Variants in TBC1D22A observed in about 807,000 individuals in gnomAD.
TBC1D22A encodes the protein TBC1 domain family member 22A.
A neutral mutation model predicts 60.2 loss-of-function variants in TBC1D22A; 38 were observed. That is an observed-to-expected ratio of 0.63 (90% confidence interval 0.49 to 0.83). The LOEUF is 0.83. TBC1D22A is among the 40% of genes least tolerant of loss of function. TBC1D22A has a pLI of 0.00. For synonymous variants in TBC1D22A, 302 were observed against 281.7 expected (o/e 1.07, Z -0.72); for missense variants, 628 against 701.0 (o/e 0.90, Z 1.18).
At chr22:46,812,676 T>C (rs919952667) in intron 4 of TBC1D22A, among the ~76,000 whole-genome samples, 2 of 152,194 alleles carry the variant, frequency 1.3e-5, no homozygotes, top group African/African-American at 4.8e-5. Flanking sequence ...TCACTGTGTT[T>C]AGCGAAAATG....
At chr22:47,104,676 C>T (rs1431488453) in intron 11 of TBC1D22A, among the ~76,000 whole-genome samples, 2 of 131,230 alleles carry the variant, frequency 1.5e-5, no homozygotes, top group Non-Finnish European at 3.1e-5. Context: ...GCCTGGGCGA[C>T]AGAGAAAGAC....
chr22:46,909,295 T>TACATAC (rs1555942207), intron 7 of TBC1D22A, among the ~76,000 whole-genome samples: 3 of 150,610 alleles, frequency 2.0e-5, no homozygotes, highest in African/African-American at 7.3e-5. Context: ...CCTATACACA[T>TACATAC]ACACACACAC....
rs534218611 is a variant in TBC1D22A, at chr22:46,846,546, G to A, written c.638-32107G>A. On this transcript the variant is annotated intron_variant, in intron 4 of 12. Transcript: ENST00000337137. ...GAATATCATCAATCATTGTCATCAG[G>A]CCTGGGCCACCTTTACCATCTCTCA... Among the ~76,000 whole-genome samples the A allele has an allele frequency of 4.2e-4, 64 of 152,282 alleles. No homozygotes were observed. In the South Asian group the frequency reaches 0.013, roughly 32 times the overall value.
intron 11 of TBC1D22A, among the ~76,000 whole-genome samples, chr22:47,099,424 C>T (rs2065320043): frequency 6.6e-6 from 1 of 151,918 alleles, no homozygotes; most frequent in African/African-American, 2.4e-5. Context: ...AGCCTCGTCC[C>T]TGCTTTCTTT....
At chr22:46,966,725 G>T (rs964467729) in intron 8 of TBC1D22A, among the ~76,000 whole-genome samples, 1 of 152,172 alleles carries the variant, frequency 6.6e-6, no homozygotes, top group Non-Finnish European at 1.5e-5. Flanking sequence ...CCCAAGTGTT[G>T]CCTGCAGACT....
intron 9 of TBC1D22A, among the ~76,000 whole-genome samples, chr22:46,985,855 A>G (rs1381111844): frequency 6.6e-6 from 1 of 152,202 alleles, no homozygotes; most frequent in Non-Finnish European, 1.5e-5. Flanking sequence ...CAAGACAGAT[A>G]TTTTGAGAAT....
Position 47,060,310 on chromosome 22 carries a change from C to T in TBC1D22A, c.1329+23112C>T, listed in dbSNP as rs191550832. Reference sequence around the variant, plus strand: ...AGGCTGGAGTGCAATGGCATGATCTCGGCTCACTGCAACCTCTGCCTCCTG... The same window carrying T: ...AGGCTGGAGTGCAATGGCATGATCTTGGCTCACTGCAACCTCTGCCTCCTG... On this transcript the variant is annotated intron_variant, in intron 11 of 12. Coordinates refer to ENST00000337137, the MANE Select transcript of TBC1D22A (RefSeq NM_014346.5). Among the ~76,000 whole-genome samples, 21 of 148,036 alleles carry T rather than the reference C, an allele frequency of 1.4e-4. No individual in the cohort carries two copies. In the East Asian group the frequency reaches 2.8e-3, roughly 20 times the overall value.
intron 11 of TBC1D22A, among the ~76,000 whole-genome samples, chr22:47,071,706 G>T (rs1317918978): frequency 6.6e-6 from 1 of 152,220 alleles, no homozygotes; most frequent in East Asian, 1.9e-4. Context: ...ATGCTTTATG[G>T]CTGTGGTTTG....
intron 4 of TBC1D22A, among the ~76,000 whole-genome samples, chr22:46,853,606 C>A (rs1207039772): frequency 6.6e-6 from 1 of 152,228 alleles, no homozygotes; most frequent in African/African-American, 2.4e-5. Context: ...CCCTTAAAAT[C>A]TGGTTTTTAC....
rs1602353254 is a variant in TBC1D22A, at chr22:46,894,811, C to T, written c.865C>T (p.Pro289Ser). Residue 289 changes from proline to serine, a missense_variant, in exon 7 of 13, where the codon CCT becomes TCT. Coordinates refer to ENST00000337137, the MANE Select transcript of TBC1D22A (RefSeq NM_014346.5). ...QIHIDIPRMS[P>S]EALILQPKVT... is the part of the protein sequence containing the mutation. ...CCACATAGACATCCCTCGCATGAGC[C>T]CTGAAGCGTTGATCCTGCAGCCCAA... 2 of 1,614,234 alleles carry T rather than the reference C, an allele frequency of 1.2e-6. No individual in the cohort carries two copies. The highest frequency in any genetic ancestry group is 1.7e-6 in the Non-Finnish European group (2 of 1,180,050).
At chr22:47,039,986 C>G (rs1180382735) in intron 11 of TBC1D22A, among the ~76,000 whole-genome samples, 1 of 125,490 alleles carries the variant, frequency 8.0e-6, no homozygotes, top group Non-Finnish European at 1.6e-5. Flanking sequence ...ACTCTGTTGT[C>G]CAGGCTGGAG....
intron 8 of TBC1D22A, among the ~76,000 whole-genome samples, chr22:46,936,924 T>A (rs2071688820): frequency 6.6e-6 from 1 of 152,214 alleles, no homozygotes; most frequent in African/African-American, 2.4e-5. Flanking sequence ...GAAAATTGTT[T>A]CAAAATCTCT....
Position 47,056,120 on chromosome 22 carries a change from G to A in TBC1D22A, c.1329+18922G>A, listed in dbSNP as rs770977002. Among the ~76,000 whole-genome samples, 4 of 152,208 alleles carry A rather than the reference G, an allele frequency of 2.6e-5. No homozygotes were observed. The South Asian group carries it at 8.3e-4, about 32-fold the overall frequency. ...TGGGTCTGTTTGAGCAGTCTGGGTC[G>A]GGTAACGGTGGCCCAAAAAAGTCTC... On this transcript the variant is annotated intron_variant, in intron 11 of 12. Transcript: ENST00000337137.
At chr22:47,060,286 G>C (rs1329118368) in intron 11 of TBC1D22A, among the ~76,000 whole-genome samples, 1 of 147,940 alleles carries the variant, frequency 6.8e-6, no homozygotes, top group Non-Finnish European at 1.5e-5. Flanking sequence ...CTGTTGCCCA[G>C]GCTGGAGTGC....
chr22:46,926,744 G>A lies in TBC1D22A; in HGVS notation c.1015+14556G>A, dbSNP rs955875424. On this transcript the variant is annotated intron_variant, in intron 8 of 12. Transcript: ENST00000337137. Reference sequence around the variant, plus strand: ...GGAATTCTTCTCAAGACTGCCTCACGGGAAATCCTGACCGAGTTCCTAGCC... The same window carrying A: ...GGAATTCTTCTCAAGACTGCCTCACAGGAAATCCTGACCGAGTTCCTAGCC... Among the ~76,000 whole-genome samples the A allele has an allele frequency of 5.9e-5, 9 of 152,200 alleles. 1 individual carries two copies. The highest frequency in any genetic ancestry group is 3.4e-3 in the Middle Eastern group (1 of 294).
At chr22:46,847,918 G>T (rs944414848) in intron 4 of TBC1D22A, among the ~76,000 whole-genome samples, 259 of 134,190 alleles carry the variant, frequency 1.9e-3, no homozygotes, top group African/African-American at 7.0e-3. Flanking sequence ...TACCCTAGTG[G>T]GTGTGTGTGT....
At chr22:46,941,903 G>C (rs1487618336) in intron 8 of TBC1D22A, among the ~76,000 whole-genome samples, 2 of 136,118 alleles carry the variant, frequency 1.5e-5, no homozygotes, top group Non-Finnish European at 3.1e-5. Flanking sequence ...TATGTATATA[G>C]AATATATGTA....
chr22:46,834,984 G>A (rs532085399), intron 4 of TBC1D22A, among the ~76,000 whole-genome samples: 6 of 152,262 alleles, frequency 3.9e-5, no homozygotes, highest in South Asian at 2.1e-4. Context: ...TGGAAGCTTC[G>A]TGACACCTGG....
At chr22:46,944,503 A>G (rs2072389832) in intron 8 of TBC1D22A, among the ~76,000 whole-genome samples, 1 of 152,052 alleles carries the variant, frequency 6.6e-6, no homozygotes, top group South Asian at 2.1e-4. Flanking sequence ...GGTTCACGCC[A>G]TTCTCCTGCC....
Sources: gnomAD v4.1 joint callset for allele counts (sites outside exome capture counted in the v4.1 genomes callset) on GRCh38, gnomAD v4.1.1 for gene constraint, MANE v1.5 for transcripts, NCBI Gene and HGNC (gene_info 2026-07-23, HGNC 2026-07-21) for gene names.